The following TRAPPC6B variants were observed in gnomAD, a reference collection of about 807,000 sequenced individuals.
TRAPPC6B encodes trafficking protein particle complex subunit 6B, also known as TRAPP complex subunit 6B.
In TRAPPC6B, 27 loss-of-function variants were observed where a neutral mutation model predicts 24.7. That is an observed-to-expected ratio of 1.09 (90% confidence interval 0.81 to 1.51). The LOEUF (loss-of-function observed/expected upper bound fraction) is 1.51. Ranked by LOEUF, TRAPPC6B falls within the 40% of genes most tolerant of loss-of-function variation. The probability of loss-of-function intolerance (pLI) is 0.00; values close to 1 mark genes in which losing one functional copy is unlikely to be tolerated. For synonymous variants in TRAPPC6B, 80 were observed against 66.6 expected (o/e 1.20, Z -0.98); for missense variants, 212 against 190.8 (o/e 1.11, Z -0.66).
chr14:39,159,481 A>T lies in TRAPPC6B; in HGVS notation c.149+2T>A, dbSNP rs758863393. ...GAAAATTTTCAAATCCAACCTGCTCACCTTTCTATCAATCCTTGTCCCACT... is the reference window on the plus strand; with the variant it reads ...GAAAATTTTCAAATCCAACCTGCTCTCCTTTCTATCAATCCTTGTCCCACT... On this transcript the variant is annotated splice_donor_variant, in intron 2 of 5. Coordinates refer to ENST00000330149, the MANE Select transcript of TRAPPC6B (RefSeq NM_001079537.2). LOFTEE classifies it high-confidence loss of function. The T allele has an allele frequency of 2.5e-6, 4 of 1,579,068 alleles. No homozygotes were observed. The South Asian group carries it at 4.7e-5, about 19-fold the overall frequency.
At chr14:39,167,871 GAA>G (rs59380407) in intron 1 of TRAPPC6B, among the ~76,000 whole-genome samples, 3 of 147,966 alleles carry the variant, frequency 2.0e-5, no homozygotes, top group Admixed American at 2.0e-4. Flanking sequence ...TAACCCACGG[GAA>G]AAAAAAAAGA....
intron 5 of TRAPPC6B, among the ~76,000 whole-genome samples, chr14:39,150,788 C>T (rs1442910941): frequency 2.6e-5 from 4 of 152,172 alleles, no homozygotes; most frequent in Non-Finnish European, 5.9e-5. Flanking sequence ...ACGCCCACCT[C>T]GGCCTCCCAA....
intron 1 of TRAPPC6B, among the ~76,000 whole-genome samples, chr14:39,162,716 T>C (rs2053071669): frequency 6.6e-6 from 1 of 152,228 alleles, no homozygotes; most frequent in Non-Finnish European, 1.5e-5. Context: ...TATCACACTT[T>C]GCCTTAAATC....
At chr14:39,166,891 C>T (rs1594546329) in intron 1 of TRAPPC6B, among the ~76,000 whole-genome samples, 1 of 152,140 alleles carries the variant, frequency 6.6e-6, no homozygotes, top group African/African-American at 2.4e-5. Flanking sequence ...CCTTGATAAA[C>T]CCTAGACTCT....
Position 39,166,270 on chromosome 14 carries a change from CAAAAA to C in TRAPPC6B, c.81+3740_81+3744del, listed in dbSNP as rs1429265114. Among the ~76,000 whole-genome samples, 6 of 116,138 alleles carry C rather than the reference CAAAAA, an allele frequency of 5.2e-5. No individual in the cohort carries two copies. The South Asian group carries it at 1.4e-3, about 27-fold the overall frequency. 76.2% of individuals were successfully genotyped at this position (116,138 alleles called of 152,430 possible). A position where few individuals can be genotyped will look rare whatever the true frequency, so the allele number is the denominator to read the frequency against. On this transcript the variant is annotated intron_variant, in intron 1 of 5. Coordinates refer to ENST00000330149, the MANE Select transcript of TRAPPC6B (RefSeq NM_001079537.2). ...ACTTGTCTCTTAAAAAAAAAAAAAA[CAAAAA>C]AACAAGTTCAGCTAGAATAAGTGTC... is the stretch of plus-strand genomic sequence containing the variant.
In TRAPPC6B at chr14:39,170,184, G is replaced by A; in HGVS notation, c.-89C>T. 7.5e-7 allele frequency: 1 copy of A among 1,335,934 alleles called. No individual in the cohort carries two copies. Among genetic ancestry groups the A allele is most frequent in the Non-Finnish European group, 1.1e-6 (1 of 945,184 alleles). The allele number at this position is 1,335,934 out of a possible 1,614,324, so 82.8% of individuals were successfully genotyped here. On this transcript the variant is annotated 5_prime_UTR_variant, in exon 1 of 6. Transcript: ENST00000330149. ...CTCGCGCCTCAGCGACTTCGCCGGC[G>A]CCGCGGCTCCGTCAGGCCGCCATTC... is the stretch of plus-strand genomic sequence containing the variant.
chr14:39,168,723 G>A (rs959474973), intron 1 of TRAPPC6B, among the ~76,000 whole-genome samples: 3 of 151,984 alleles, frequency 2.0e-5, no homozygotes, highest in Admixed American at 6.6e-5. Flanking sequence ...CCTTAAACAA[G>A]GCCTACAGAA....
At chr14:39,167,482 A>G (rs560931748) in intron 1 of TRAPPC6B, among the ~76,000 whole-genome samples, 21 of 152,338 alleles carry the variant, frequency 1.4e-4, no homozygotes, top group African/African-American at 5.1e-4. Flanking sequence ...TAAACAACAT[A>G]GTTTTTACAG....
chr14:39,160,518 G>C (rs2053043172), intron 1 of TRAPPC6B, among the ~76,000 whole-genome samples: 1 of 150,768 alleles, frequency 6.6e-6, no homozygotes, highest in Admixed American at 6.6e-5. Flanking sequence ...ACTGAGCCAT[G>C]ATCATGTCAT....
At chr14:39,168,755 T>G (rs1049448310) in intron 1 of TRAPPC6B, among the ~76,000 whole-genome samples, 1 of 152,180 alleles carries the variant, frequency 6.6e-6, no homozygotes, top group Admixed American at 6.5e-5. Flanking sequence ...AACTTTCAAA[T>G]CTGTTATCTC....
At chr14:39,166,172 T>G (rs2053106319) in intron 1 of TRAPPC6B, among the ~76,000 whole-genome samples, 1 of 151,148 alleles carries the variant, frequency 6.6e-6, no homozygotes, top group South Asian at 2.1e-4. Flanking sequence ...ACTCCTGGGC[T>G]CAAGTAATTC....
intron 1 of TRAPPC6B, among the ~76,000 whole-genome samples, chr14:39,160,488 G>A (rs2053042650): frequency 6.6e-6 from 1 of 151,844 alleles, no homozygotes; most frequent in Non-Finnish European, 1.5e-5. Context: ...GATTGCTTGA[G>A]TCCAGGAAGT....
chr14:39,155,629 C>T (rs980878329), intron 3 of TRAPPC6B, among the ~76,000 whole-genome samples: 6 of 152,108 alleles, frequency 3.9e-5, no homozygotes, highest in South Asian at 2.1e-4. Context: ...CTCTGCCTCC[C>T]GGGTTCAAGC....
At position 39,151,968 on chromosome 14, in the gene TRAPPC6B, G is replaced by C. The variant is rs192206878; in HGVS notation, c.352-129C>G. 1.1e-4 allele frequency: 71 copies of C among 639,502 alleles called. No homozygotes were observed. The African/African-American group carries it at 1.2e-3, about 11-fold the overall frequency. 39.6% of individuals were successfully genotyped at this position (639,502 alleles called of 1,614,324 possible). The stretch of plus-strand genomic sequence containing the variant: ...TTTAAAAAAAGGATTTTGAAGAACT[G>C]TTCAAATTACTGAAAAATATTGATA... On this transcript the variant is annotated intron_variant, in intron 4 of 5. Transcript: ENST00000330149.
chr14:39,170,145 T>C lies in TRAPPC6B; in HGVS notation c.-50A>G. ...GAGTTTTGGCTCCCGTTTGAGCTGG[T>C]CTGGGGGTTCCAGCTCGCGCCTCAG... On this transcript the variant is annotated 5_prime_UTR_variant, in exon 1 of 6. Coordinates refer to ENST00000330149, the MANE Select transcript of TRAPPC6B (RefSeq NM_001079537.2). 6.3e-7 allele frequency: 1 copy of C among 1,583,632 alleles called. No homozygotes were observed. The highest frequency in any genetic ancestry group is 8.6e-7 in the Non-Finnish European group (1 of 1,157,236).
intron 5 of TRAPPC6B, 143 bp downstream of exon 5, chr14:39,151,603 A>T (rs1199910115): frequency 1.4e-5 from 8 of 587,770 alleles, no homozygotes; most frequent in Non-Finnish European, 2.3e-5. Flanking sequence ...AGTATGCTAC[A>T]TATTACTACA....
intron 1 of TRAPPC6B, among the ~76,000 whole-genome samples, chr14:39,168,846 A>G (rs1274554250): frequency 2.6e-5 from 4 of 152,162 alleles, no homozygotes; most frequent in Non-Finnish European, 4.4e-5. Flanking sequence ...TTCCCCCTAC[A>G]AGGATCTTCC....
Position 39,170,271 on chromosome 14 carries a change from A to G in TRAPPC6B, c.-176T>C. ...CTTCCCAAAGGCTGGTACTGAAATG[A>G]GTCTGGTACTGGAGAGAGCCCACAC... On this transcript the variant is annotated 5_prime_UTR_variant, in exon 1 of 6. Coordinates refer to ENST00000330149, the MANE Select transcript of TRAPPC6B (RefSeq NM_001079537.2). The G allele has an allele frequency of 4.8e-6, 3 of 620,304 alleles. No homozygotes were observed. Among genetic ancestry groups the G allele is most frequent in the Non-Finnish European group, 2.8e-6 (1 of 352,832 alleles). The allele number at this position is 620,304 out of a possible 1,614,324, so 38.4% of individuals were successfully genotyped here.
chr14:39,156,087 C>T (rs1162355400), intron 3 of TRAPPC6B, among the ~76,000 whole-genome samples: 1 of 152,132 alleles, frequency 6.6e-6, no homozygotes, highest in African/African-American at 2.4e-5. Context: ...GCCACCATGT[C>T]CAGCCAGCTG....
Sources: allele counts gnomAD v4.1 joint callset (sites outside exome capture counted in the v4.1 genomes callset), GRCh38; gene constraint gnomAD v4.1.1; transcripts MANE v1.5; gene names NCBI Gene and HGNC (gene_info 2026-07-23, HGNC 2026-07-21).